Variants in CSMD1 observed in about 807,000 individuals in gnomAD.
CSMD1 encodes CUB and sushi domain-containing protein 1.
CSMD1 carries 213 observed loss-of-function variants against 417.5 expected under a neutral mutation model. The observed-to-expected ratio is 0.51, with a 90% CI of 0.46 to 0.57. The LOEUF is 0.57. Among genes scored for constraint, CSMD1 ranks in the 20% least tolerant of loss-of-function variants. The probability of loss-of-function intolerance (pLI) is 0.00; values close to 1 mark genes in which losing one functional copy is unlikely to be tolerated. For synonymous variants in CSMD1, 2,862 were observed against 1,736.8 expected, an observed-to-expected ratio of 1.65 and a Z score of -16.11; for missense variants, 6,923 against 4,529.7, an observed-to-expected ratio of 1.53 and a Z score of -15.17.
chr8:3,299,474 G>C (rs1025489108), intron 25 of CSMD1, among the ~76,000 whole-genome samples: 1 of 152,014 alleles, frequency 6.6e-6, no homozygotes, highest in Non-Finnish European at 1.5e-5. Flanking sequence ...AATGCAATGT[G>C]GTATCATCGC....
intron 26 of CSMD1, among the ~76,000 whole-genome samples, chr8:3,273,959 C>T (rs946457658): frequency 2.6e-5 from 4 of 151,322 alleles, no homozygotes; most frequent in African/African-American, 7.3e-5. Context: ...TTATTTCTTG[C>T]CTTCTGCTAG....
chr8:3,983,131 C>CTTACTTTTT (rs1166641247), intron 5 of CSMD1, among the ~76,000 whole-genome samples: 1 of 94,656 alleles, frequency 1.1e-5, no homozygotes, highest in African/African-American at 4.1e-5. Flanking sequence ...CCACATCTTT[C>CTTACTTTTT]TTTCTTTTTT....
chr8:3,028,083 C>T lies in CSMD1; in HGVS notation c.7855+1236G>A, dbSNP rs1032996015. On this transcript the variant is annotated intron_variant, in intron 51 of 69. Coordinates refer to ENST00000635120, the MANE Select transcript of CSMD1 (RefSeq NM_033225.6). ...CTGGGAAATCAGAGAGACAAGAAAA[C>T]GCTGTACTGCGCTGTGCCAGCCGCA... Among the ~76,000 whole-genome samples the T allele has an allele frequency of 5.3e-5, 8 of 152,318 alleles. No individual in the cohort carries two copies. In the East Asian group the frequency reaches 7.7e-4, roughly 15 times the overall value.
At chr8:4,244,763 TAAAGAA>T (rs1327900591) in intron 3 of CSMD1, among the ~76,000 whole-genome samples, 2 of 152,130 alleles carry the variant, frequency 1.3e-5, no homozygotes, top group South Asian at 2.1e-4. Context: ...TTTTGCTACT[TAAAGAA>T]AAAGAGAAGG....
intron 1 of CSMD1, among the ~76,000 whole-genome samples, chr8:4,798,921 G>C (rs536064850): frequency 2.6e-5 from 4 of 152,294 alleles, no homozygotes; most frequent in Non-Finnish European, 4.4e-5. Context: ...TTCAGCAACT[G>C]TTTGCATCGG....
intron 3 of CSMD1, among the ~76,000 whole-genome samples, chr8:4,225,110 T>G (rs1031432287): frequency 1.3e-5 from 2 of 152,028 alleles, no homozygotes; most frequent in African/African-American, 2.4e-5. Flanking sequence ...AGACTCCACC[T>G]CAAAAAAAGA....
At chr8:3,548,462 C>G (rs117603087) in intron 10 of CSMD1, among the ~76,000 whole-genome samples, 2,094 of 151,964 alleles carry the variant, frequency 0.014, 46 homozygotes, top group East Asian at 0.053. Context: ...CCCTTTCTGC[C>G]TGAGTCCTCG....
intron 1 of CSMD1, among the ~76,000 whole-genome samples, chr8:4,814,226 G>GTGTGTGCGTGTGCT (rs1488166300): frequency 7.9e-5 from 12 of 152,154 alleles, no homozygotes; most frequent in Non-Finnish European, 1.6e-4. Flanking sequence ...GTGCGTGTGC[G>GTGTGTGCGTGTGCT]TGTGCGCATG....
intron 3 of CSMD1, among the ~76,000 whole-genome samples, chr8:4,360,722 C>G (rs1801707687): frequency 1.3e-5 from 2 of 152,124 alleles, no homozygotes; most frequent in Admixed American, 6.5e-5. Context: ...CTCCGATCTC[C>G]TGACCTCGTG....
intron 12 of CSMD1, among the ~76,000 whole-genome samples, chr8:3,462,482 C>G (rs1169716093): frequency 3.9e-5 from 6 of 152,096 alleles, no homozygotes; most frequent in South Asian, 2.1e-4. Flanking sequence ...GAGTGTGAAC[C>G]CTATTGTGAA....
At chr8:4,070,037 T>A (rs192067300) in intron 3 of CSMD1, among the ~76,000 whole-genome samples, 1 of 152,310 alleles carries the variant, frequency 6.6e-6, no homozygotes, top group South Asian at 2.1e-4. Flanking sequence ...AATTAACTTA[T>A]TGGTGTTTTA....
At chr8:3,803,819 A>C (rs1367624650) in intron 5 of CSMD1, among the ~76,000 whole-genome samples, 2 of 152,214 alleles carry the variant, frequency 1.3e-5, no homozygotes, top group Non-Finnish European at 2.9e-5. Context: ...AGAATGGACC[A>C]CTGTAGACAC....
In CSMD1 at chr8:4,733,028, A is replaced by G. The variant is rs975958256; in HGVS notation, c.86-95470T>C. Among the ~76,000 whole-genome samples the G allele has an allele frequency of 7.4e-4, 112 of 152,270 alleles. 1 individual carries two copies. The highest frequency in any genetic ancestry group is 6.3e-4 in the Non-Finnish European group (43 of 68,006). ...TTCATTTGCACGGTTTCTTTGGAAA[A>G]AAAAAAATCCCCAAATGAAAAATAA... is the stretch of plus-strand genomic sequence containing the variant. On this transcript the variant is annotated intron_variant, in intron 1 of 69. Transcript: ENST00000635120.
chr8:3,430,658 G>C (rs2654479), intron 12 of CSMD1, among the ~76,000 whole-genome samples: 4 of 151,918 alleles, frequency 2.6e-5, no homozygotes, highest in Non-Finnish European at 4.4e-5. Flanking sequence ...AATACAAAAA[G>C]TAGCCAGGTG....
intron 3 of CSMD1, among the ~76,000 whole-genome samples, chr8:4,214,361 G>C (rs147865498): frequency 1.3e-5 from 2 of 152,114 alleles, no homozygotes; most frequent in Non-Finnish European, 2.9e-5. Flanking sequence ...GCAGTGGTGC[G>C]ATCTTGGCTC....
intron 2 of CSMD1, among the ~76,000 whole-genome samples, chr8:4,505,351 G>C (rs747525401): frequency 1.3e-5 from 2 of 152,230 alleles, no homozygotes; most frequent in African/African-American, 2.4e-5. Flanking sequence ...ATTTTACTCA[G>C]AGATCACTGA....
intron 3 of CSMD1, among the ~76,000 whole-genome samples, chr8:4,263,198 C>G (rs920771449): frequency 6.6e-6 from 1 of 151,898 alleles, no homozygotes; most frequent in Non-Finnish European, 1.5e-5. Context: ...GCCGTGTATT[C>G]TAGTATTCGA....
intron 1 of CSMD1, among the ~76,000 whole-genome samples, chr8:4,940,684 C>A (rs964450984): frequency 2.0e-5 from 3 of 152,170 alleles, no homozygotes; most frequent in African/African-American, 7.2e-5. Flanking sequence ...CAATACCTTA[C>A]AAGATCAAAT....
At chr8:4,176,513 CTG>C (rs1798049144) in intron 3 of CSMD1, among the ~76,000 whole-genome samples, 1 of 152,104 alleles carries the variant, frequency 6.6e-6, no homozygotes, top group Non-Finnish European at 1.5e-5. Flanking sequence ...TATACCTTCA[CTG>C]TGACATATCA....
Sources: allele counts gnomAD v4.1 joint callset (sites outside exome capture counted in the v4.1 genomes callset), GRCh38; gene constraint gnomAD v4.1.1; transcripts MANE v1.5; gene names NCBI Gene and HGNC (gene_info 2026-07-23, HGNC 2026-07-21).